EYS: variants seen among roughly 807,000 people sequenced by gnomAD.
The protein encoded by EYS is protein eyes shut homolog.
Under a neutral mutation model 282.1 loss-of-function variants are expected in EYS, and 250 were observed. That is an observed-to-expected ratio of 0.89 (90% CI 0.80 to 0.98). EYS has a LOEUF of 0.98. Among genes scored for constraint, EYS ranks in the 50% least tolerant of loss-of-function variants. The pLI is 0.00. For missense variants in EYS, 4,016 were observed against 3,709.0 expected (o/e 1.08, Z -2.15); for synonymous variants, 1,355 against 1,282.9 (o/e 1.06, Z -1.20).
chr6:64,826,583 T>C (rs1046498518), intron 19 of EYS, among the ~76,000 whole-genome samples: 1 of 151,382 alleles, frequency 6.6e-6, no homozygotes, highest in Non-Finnish European at 1.5e-5. Context: ...CCATTAAAGT[T>C]CATAAACTGA....
At chr6:64,246,274 C>T (rs917630391) in intron 30 of EYS, among the ~76,000 whole-genome samples, 1 of 150,096 alleles carries the variant, frequency 6.7e-6, no homozygotes, top group Non-Finnish European at 1.5e-5. Flanking sequence ...TTATTTAGAG[C>T]TTTTTTCTCT....
chr6:65,282,009 A>G lies in EYS; in HGVS notation c.2023+13854T>C, dbSNP rs375595560. On this transcript the variant is annotated intron_variant, in intron 12 of 42. Transcript: ENST00000503581. ...TGAATAGTACTGAAATGAATGCTTAATATGTGGAATCTTAAACGATTCAAG... is the reference window on the plus strand; with the variant it reads ...TGAATAGTACTGAAATGAATGCTTAGTATGTGGAATCTTAAACGATTCAAG... Among the ~76,000 whole-genome samples, 47 of 152,094 alleles carry G rather than the reference A, an allele frequency of 3.1e-4. 2 individuals are homozygous for G. In the East Asian group the frequency reaches 5.0e-3, roughly 16 times the overall value.
chr6:63,896,359 A>T (rs933243362), intron 35 of EYS, among the ~76,000 whole-genome samples: 2 of 152,176 alleles, frequency 1.3e-5, no homozygotes, highest in Non-Finnish European at 2.9e-5. Context: ...ATTTTTATGT[A>T]TTCAAGGCAT....
intron 12 of EYS, among the ~76,000 whole-genome samples, chr6:65,124,904 TAA>T (rs1465786056): frequency 2.0e-5 from 3 of 152,158 alleles, no homozygotes; most frequent in Non-Finnish European, 2.9e-5. Context: ...AAAAAGCAAA[TAA>T]ATAGTCACAG....
intron 12 of EYS, among the ~76,000 whole-genome samples, chr6:65,122,629 C>A (rs1775593462): frequency 6.6e-6 from 1 of 152,024 alleles, no homozygotes; most frequent in Non-Finnish European, 1.5e-5. Flanking sequence ...CACCACTGAA[C>A]TGTCTTTTGA....
In EYS at chr6:64,134,415, AG is replaced by A. The variant is rs568419409; in HGVS notation, c.6425-52414del. 6.6e-5 allele frequency among the ~76,000 whole-genome samples: 10 copies of A among 152,200 alleles called. No homozygotes were observed. The East Asian group carries it at 1.9e-3, about 29-fold the overall frequency. ...AAATTAATAATAGCAAATACTAAAAAGGTTATGAAGCATGAGGGCTCTAAAA... is the reference window on the plus strand; with the variant it reads ...AAATTAATAATAGCAAATACTAAAAAGTTATGAAGCATGAGGGCTCTAAAA... On this transcript the variant is annotated intron_variant, in intron 31 of 42. Coordinates refer to ENST00000503581, the MANE Select transcript of EYS (RefSeq NM_001142800.2).
At chr6:63,738,169 G>A (rs1317304135) in intron 41 of EYS, among the ~76,000 whole-genome samples, 2 of 152,158 alleles carry the variant, frequency 1.3e-5, no homozygotes, top group African/African-American at 4.8e-5. Context: ...CCTTGTGGAA[G>A]TCAGTGTGGA....
chr6:64,089,704 TAA>T, intron 31 of EYS, among the ~76,000 whole-genome samples: 2 of 152,186 alleles, frequency 1.3e-5, no homozygotes, highest in Admixed American at 1.3e-4. Context: ...ATAAATTTGT[TAA>T]GTGCTGATAA....
At chr6:64,542,940 A>G (rs1477503677) in intron 26 of EYS, among the ~76,000 whole-genome samples, 3 of 152,094 alleles carry the variant, frequency 2.0e-5, no homozygotes, top group African/African-American at 7.2e-5. Flanking sequence ...TTGCAATTGT[A>G]TACCACAAAT....
intron 12 of EYS, among the ~76,000 whole-genome samples, chr6:65,280,540 T>C (rs956096112): frequency 2.0e-4 from 30 of 152,168 alleles, no homozygotes; most frequent in African/African-American, 7.0e-4. Flanking sequence ...ATAATTTATA[T>C]CATAAATATC....
intron 29 of EYS, among the ~76,000 whole-genome samples, chr6:64,340,458 T>C (rs1252310101): frequency 6.6e-6 from 1 of 151,676 alleles, no homozygotes; most frequent in Non-Finnish European, 1.5e-5. Flanking sequence ...CCAACAAAAA[T>C]GAGCAATGGA....
intron 37 of EYS, among the ~76,000 whole-genome samples, chr6:63,805,019 T>G (rs1337146457): frequency 6.6e-6 from 1 of 152,100 alleles, no homozygotes; most frequent in Non-Finnish European, 1.5e-5. Flanking sequence ...GTAGGCTCCT[T>G]TCAGACATAT....
At chr6:64,863,328 C>T (rs1429474280) in intron 19 of EYS, among the ~76,000 whole-genome samples, 2 of 151,932 alleles carry the variant, frequency 1.3e-5, no homozygotes, top group African/African-American at 4.8e-5. Context: ...TTCATTATTC[C>T]CACTAGTTTC....
At chr6:64,248,874 G>T (rs948522744) in intron 30 of EYS, among the ~76,000 whole-genome samples, 13 of 151,784 alleles carry the variant, frequency 8.6e-5, no homozygotes, top group Non-Finnish European at 1.3e-4. Context: ...TGGGCAACAT[G>T]GTGAAACCCT....
chr6:63,808,224 G>A (rs1157645023), intron 36 of EYS, among the ~76,000 whole-genome samples: 3 of 152,204 alleles, frequency 2.0e-5, no homozygotes, highest in Non-Finnish European at 4.4e-5. Context: ...TCAGGCAGAA[G>A]AAACAGCATG....
intron 2 of EYS, among the ~76,000 whole-genome samples, chr6:65,569,110 G>C (rs1764385361): frequency 1.3e-5 from 2 of 152,114 alleles, no homozygotes; most frequent in Admixed American, 1.3e-4. Flanking sequence ...AATGACAAAA[G>C]AAGTGAAAAT....
intron 19 of EYS, among the ~76,000 whole-genome samples, chr6:64,880,426 A>G (rs1198597140): frequency 1.3e-5 from 2 of 151,890 alleles, no homozygotes; most frequent in Non-Finnish European, 2.9e-5. Flanking sequence ...TTACATAAAA[A>G]TGTAAATATC....
intron 19 of EYS, among the ~76,000 whole-genome samples, chr6:64,841,052 T>C (rs1402735535): frequency 6.6e-6 from 1 of 152,090 alleles, no homozygotes; most frequent in African/African-American, 2.4e-5. Flanking sequence ...TTAAATATTT[T>C]TTTCTAATCA....
intron 22 of EYS, among the ~76,000 whole-genome samples, chr6:64,746,256 C>T (rs1244533776): frequency 6.6e-6 from 1 of 151,924 alleles, no homozygotes; most frequent in Non-Finnish European, 1.5e-5. Flanking sequence ...GTTCCATCCT[C>T]ATAAGTGGAT....
Sources: allele counts gnomAD v4.1 joint callset (sites outside exome capture counted in the v4.1 genomes callset), GRCh38; gene constraint gnomAD v4.1.1; transcripts MANE v1.5; gene names NCBI Gene and HGNC (gene_info 2026-07-23, HGNC 2026-07-21).